CLEC16A: variants seen among roughly 807,000 people sequenced by gnomAD.
The protein encoded by CLEC16A is protein CLEC16A.
A neutral mutation model predicts 109.5 loss-of-function variants in CLEC16A; 51 were observed. That is an observed-to-expected ratio of 0.47 (90% CI 0.37 to 0.59). The LOEUF (loss-of-function observed/expected upper bound fraction) is 0.59. CLEC16A is among the 20% of genes least tolerant of loss of function. The pLI is 0.00. For missense variants in CLEC16A, 1,339 were observed against 1,394.0 expected (o/e 0.96, Z 0.63); for synonymous variants, 673 against 564.2 (o/e 1.19, Z -2.73).
chr16:10,955,840 G>C (rs1481745842), intron 1 of CLEC16A, among the ~76,000 whole-genome samples: 1 of 152,192 alleles, frequency 6.6e-6, no homozygotes, highest in Non-Finnish European at 1.5e-5. Context: ...GTCACTGATG[G>C]CCACAGCTGG....
At chr16:10,962,008 A>T (rs1469022961) in intron 2 of CLEC16A, among the ~76,000 whole-genome samples, 2 of 141,342 alleles carry the variant, frequency 1.4e-5, no homozygotes, top group Admixed American at 1.5e-4. Flanking sequence ...GCTGGAGTGC[A>T]GTGGCCTGAT....
At chr16:11,081,219 G>T (rs186490642) in intron 19 of CLEC16A, among the ~76,000 whole-genome samples, 2 of 152,292 alleles carry the variant, frequency 1.3e-5, no homozygotes, top group African/African-American at 4.8e-5. Context: ...TGCCCAGTGG[G>T]CCCCTGGGTC....
At chr16:11,173,827 C>G (rs1229842216) in intron 23 of CLEC16A, among the ~76,000 whole-genome samples, 1 of 152,184 alleles carries the variant, frequency 6.6e-6, no homozygotes, top group Admixed American at 6.5e-5. Flanking sequence ...CGACCAAGAC[C>G]AGATGTTGCG....
chr16:10,969,347 C>G, intron 4 of CLEC16A, 38 bp downstream of exon 4: 2 of 1,464,180 alleles, frequency 1.4e-6, no homozygotes, highest in Non-Finnish European at 1.8e-6. Flanking sequence ...GGGTGTAAAG[C>G]CACACGTGGC....
At chr16:11,175,976 T>C (rs2068733107) in intron 23 of CLEC16A, among the ~76,000 whole-genome samples, 1 of 152,266 alleles carries the variant, frequency 6.6e-6, no homozygotes, top group African/African-American at 2.4e-5. Context: ...CTCCAGATGG[T>C]AGGACAGTGC....
intron 13 of CLEC16A, among the ~76,000 whole-genome samples, chr16:11,030,267 G>C (rs1351317753): frequency 6.6e-6 from 1 of 152,180 alleles, no homozygotes; most frequent in Non-Finnish European, 1.5e-5. Context: ...AAATACCTAG[G>C]AATGGAATGG....
At chr16:11,109,291 C>A (rs1480917873) in intron 19 of CLEC16A, among the ~76,000 whole-genome samples, 1 of 151,776 alleles carries the variant, frequency 6.6e-6, no homozygotes, top group Non-Finnish European at 1.5e-5. Flanking sequence ...CAGCCTGGGA[C>A]CACAGGTGTG....
intron 11 of CLEC16A, 142 bp from the exon 12 acceptor site, chr16:11,020,051 G>C: frequency 1.2e-6 from 1 of 864,532 alleles, no homozygotes; most frequent in Non-Finnish European, 1.7e-6. Flanking sequence ...GTGTGTCTCT[G>C]GTGTTCAGGT....
At chr16:11,032,708 G>T (rs898938245) in intron 13 of CLEC16A, among the ~76,000 whole-genome samples, 8 of 152,170 alleles carry the variant, frequency 5.3e-5, no homozygotes, top group African/African-American at 1.4e-4. Flanking sequence ...GTGAGAAGGA[G>T]CCAGCTCTGC....
At chr16:11,048,816 A>C (rs564482909) in intron 17 of CLEC16A, among the ~76,000 whole-genome samples, 1 of 151,316 alleles carries the variant, frequency 6.6e-6, no homozygotes, top group African/African-American at 2.4e-5. Flanking sequence ...TTCAGTTGTC[A>C]TTTGTTATTT....
chr16:11,091,563 A>G (rs1277538266), intron 19 of CLEC16A, among the ~76,000 whole-genome samples: 2 of 152,126 alleles, frequency 1.3e-5, no homozygotes, highest in East Asian at 3.9e-4. Flanking sequence ...TGGCTCGGAG[A>G]TGGGTAGAGT....
At position 11,114,224 on chromosome 16, in the gene CLEC16A, G is replaced by C. The variant is rs143404650; in HGVS notation, c.2117-6391G>C. ...TGGCTGCCCCCTTCCCCTCATCTGT[G>C]AATGGCCTATGCAAATCCTTCACGT... On this transcript the variant is annotated intron_variant, in intron 19 of 23. Coordinates refer to ENST00000409790, the MANE Select transcript of CLEC16A (RefSeq NM_015226.3). 8.3e-3 allele frequency among the ~76,000 whole-genome samples: 1,262 copies of C among 151,316 alleles called. 19 individuals are homozygous for C. The highest frequency in any genetic ancestry group is 0.029 in the African/African-American group (1,202 of 41,112).
chr16:10,962,356 G>T, intron 2 of CLEC16A, 99 bp from the exon 3 acceptor site: 1 of 1,441,820 alleles, frequency 6.9e-7, no homozygotes, highest in South Asian at 1.1e-5. Flanking sequence ...TTGGGGGAGA[G>T]GGGTGAATCT....
intron 22 of CLEC16A, among the ~76,000 whole-genome samples, chr16:11,144,970 A>G (rs911167174): frequency 1.3e-5 from 2 of 152,130 alleles, no homozygotes; most frequent in African/African-American, 4.8e-5. Flanking sequence ...CCAGACCTAG[A>G]GCAGGGAAGG....
intron 11 of CLEC16A, among the ~76,000 whole-genome samples, chr16:11,006,444 G>A (rs1257649340): frequency 6.6e-6 from 1 of 152,188 alleles, no homozygotes; most frequent in Non-Finnish European, 1.5e-5. Context: ...AGATAGACAT[G>A]CGGCTCTTTT....
intron 18 of CLEC16A, among the ~76,000 whole-genome samples, chr16:11,057,927 T>C (rs1273578776): frequency 6.6e-6 from 1 of 152,204 alleles, no homozygotes; most frequent in East Asian, 1.9e-4. Context: ...AAAGCTTAGA[T>C]GAGACAACCC....
At position 11,123,858 on chromosome 16, in the gene CLEC16A, C is replaced by T; in HGVS notation, c.2385C>T (p.Phe795=). The change falls in exon 21 of 24, where the codon TTC becomes TTT. Residue 795 remains phenylalanine (F), a synonymous_variant. Coordinates refer to ENST00000409790, the MANE Select transcript of CLEC16A (RefSeq NM_015226.3). ...CCATCCTCCAGGCCACCTTCATCTT[C>T]TCAGACCACATCCGCTGCATCATCG... ...PFPILQATFI[F]SDHIRCIIAK... The T allele has an allele frequency of 6.2e-7, 1 of 1,614,064 alleles. No homozygotes were observed. The highest frequency in any genetic ancestry group is 1.1e-5 in the South Asian group (1 of 91,090).
At chr16:11,166,935 T>G (rs895936603) in intron 23 of CLEC16A, among the ~76,000 whole-genome samples, 1 of 145,990 alleles carries the variant, frequency 6.8e-6, no homozygotes. Context: ...TTCCTGCTGA[T>G]TTTTTTTTTC....
At chr16:10,957,725 A>C (rs1184713269) in intron 1 of CLEC16A, 57 bp from the exon 2 acceptor site, 3 of 1,582,154 alleles carry the variant, frequency 1.9e-6, no homozygotes, top group Non-Finnish European at 2.6e-6. Context: ...TGGTCATGGA[A>C]CTTGGCTTGC....
Sources: gnomAD v4.1 joint callset for allele counts (sites outside exome capture counted in the v4.1 genomes callset) on GRCh38, gnomAD v4.1.1 for gene constraint, MANE v1.5 for transcripts, NCBI Gene and HGNC (gene_info 2026-07-23, HGNC 2026-07-21) for gene names.